AVEN: variants seen among roughly 807,000 people sequenced by gnomAD.
AVEN encodes the protein cell death regulator Aven.
A neutral mutation model predicts 38.1 loss-of-function variants in AVEN; 41 were observed. That is an observed-to-expected ratio of 1.08 (90% CI 0.84 to 1.40). The LOEUF (loss-of-function observed/expected upper bound fraction) is 1.40. AVEN is among the 40% of genes most tolerant of loss of function. The probability of loss-of-function intolerance (pLI) is 0.00; values close to 1 mark genes in which losing one functional copy is unlikely to be tolerated. For synonymous variants in AVEN, 206 were observed against 171.8 expected, an observed-to-expected ratio of 1.20 and a Z score of -1.56; for missense variants, 605 against 438.8, an observed-to-expected ratio of 1.38 and a Z score of -3.38.
intron 2 of AVEN, among the ~76,000 whole-genome samples, chr15:33,903,139 ATCATAAATACTCAC>A (rs1750598627): frequency 6.6e-6 from 1 of 152,240 alleles, no homozygotes; most frequent in Non-Finnish European, 1.5e-5. Flanking sequence ...GGCCACATTG[ATCATAAATACTCAC>A]CCGCAGTATT....
Position 33,867,522 on chromosome 15 carries a change from C to G in AVEN, c.946G>C (p.Asp316His). 6.3e-7 allele frequency: 1 copy of G among 1,591,402 alleles called. No homozygotes were observed. Among genetic ancestry groups the G allele is most frequent in the Non-Finnish European group, 8.5e-7 (1 of 1,170,466 alleles). The change falls in exon 5 of 6, where the codon GAT becomes CAT. Residue 316 changes from aspartate (D) to histidine (H), a missense_variant. By Grantham distance (81) the Asp-to-His change is moderately conservative. Coordinates refer to ENST00000306730, the MANE Select transcript of AVEN (RefSeq NM_020371.3). The part of the protein sequence containing the change: ...QTSQDLKSKE[D>H]GEVVQEEEVC... ...TCTTCCTCTTGGACCACCTCCCCATCTTCCTTGGATTTCAGGTCCTGAGAC... is the reference window on the plus strand; with the variant it reads ...TCTTCCTCTTGGACCACCTCCCCATGTTCCTTGGATTTCAGGTCCTGAGAC...
chr15:33,873,101 T>TTTC (rs1352619425), intron 3 of AVEN, among the ~76,000 whole-genome samples: 34 of 127,134 alleles, frequency 2.7e-4, no homozygotes, highest in Non-Finnish European at 3.5e-5. Flanking sequence ...TTTCTTTTTT[T>TTTC]TTTTTTTTTT....
In AVEN at chr15:33,866,313, G is replaced by GT; in HGVS notation, c.*299dup. 2.6e-6 allele frequency: 1 copy of GT among 386,896 alleles called. No individual in the cohort carries two copies. The highest frequency in any genetic ancestry group is 4.6e-5 in the East Asian group (1 of 21,578). The allele number at this position is 386,896 out of a possible 1,614,324, so 24.0% of individuals were successfully genotyped here. A position where few individuals can be genotyped will look rare whatever the true frequency, so the allele number is the denominator to read the frequency against. On this transcript the variant is annotated 3_prime_UTR_variant, in exon 6 of 6. Transcript: ENST00000306730. The stretch of plus-strand genomic sequence containing the variant: ...AATCAGCAGCAGCATCTGCTATGCT[G>GT]TAAACACTGGCTATGTTGTAAACAC...
At chr15:34,032,053 A>T (rs1567478976) in intron 1 of AVEN, among the ~76,000 whole-genome samples, 1 of 141,256 alleles carries the variant, frequency 7.1e-6, no homozygotes, top group Admixed American at 7.4e-5. Flanking sequence ...GGCTTCTAAC[A>T]AAAGAAAAAA....
chr15:34,029,423 G>C (rs946103050), intron 1 of AVEN, among the ~76,000 whole-genome samples: 1 of 149,338 alleles, frequency 6.7e-6, no homozygotes, highest in Non-Finnish European at 1.5e-5. Flanking sequence ...GCTCATGCCT[G>C]TAATCCCAGC....
At chr15:33,961,800 G>A (rs1176690364) in intron 2 of AVEN, among the ~76,000 whole-genome samples, 6 of 102,594 alleles carry the variant, frequency 5.8e-5, no homozygotes, top group Non-Finnish European at 1.1e-4. Context: ...GCGACAGAGT[G>A]AGACTCTGTC....
At chr15:33,897,651 G>A (rs1892293615) in intron 2 of AVEN, among the ~76,000 whole-genome samples, 1 of 152,086 alleles carries the variant, frequency 6.6e-6, no homozygotes, top group African/African-American at 2.4e-5. Flanking sequence ...GCTGAGGCAG[G>A]AGGATTGCTT....
At chr15:33,908,911 C>A (rs1255597663) in intron 2 of AVEN, among the ~76,000 whole-genome samples, 1 of 152,142 alleles carries the variant, frequency 6.6e-6, no homozygotes, top group African/African-American at 2.4e-5. Context: ...TGGTCTAGAG[C>A]GACAAAGCTG....
Position 33,924,071 on chromosome 15 carries a change from T to TC in AVEN, c.446-48077dup, listed in dbSNP as rs201803346. On this transcript the variant is annotated intron_variant, in intron 2 of 5. Coordinates refer to ENST00000306730, the MANE Select transcript of AVEN (RefSeq NM_020371.3). ...ATGAGCTTGAATCATCCCTAAACTA[T>TC]CCCCCCCTTTTCTGGTCCACAGAAA... Among the ~76,000 whole-genome samples the TC allele has an allele frequency of 8.2e-3, 1,243 of 151,580 alleles. 10 individuals are homozygous for TC. Among genetic ancestry groups the TC allele is most frequent in the Non-Finnish European group, 0.014 (960 of 67,894 alleles).
chr15:33,856,549 T>C (rs1017707069), downstream of AVEN: 2 of 152,328 alleles, frequency 1.3e-5, no homozygotes, highest in African/African-American at 2.4e-5. Flanking sequence ...ACCATCATAA[T>C]TCTTAGAGTA....
intron 2 of AVEN, among the ~76,000 whole-genome samples, chr15:33,989,875 C>G (rs537792356): frequency 6.7e-6 from 1 of 150,112 alleles, no homozygotes; most frequent in South Asian, 2.1e-4. Flanking sequence ...GAGACAATAG[C>G]AATTGAGACG....
At chr15:33,990,737 T>C (rs886922300) in intron 2 of AVEN, 1 of 152,204 alleles carries the variant, frequency 6.6e-6, no homozygotes, top group African/African-American at 2.4e-5. Context: ...GACCGAAACC[T>C]ACCACCATCA....
At chr15:33,960,231 T>C (rs1164408915) in intron 2 of AVEN, among the ~76,000 whole-genome samples, 2 of 152,134 alleles carry the variant, frequency 1.3e-5, no homozygotes, top group Non-Finnish European at 2.9e-5. Flanking sequence ...TGAGGCAAAA[T>C]CAAATTAATA....
At chr15:33,997,096 A>G (rs1896967033) in intron 2 of AVEN, among the ~76,000 whole-genome samples, 1 of 152,260 alleles carries the variant, frequency 6.6e-6, no homozygotes, top group African/African-American at 2.4e-5. Context: ...AAGCAAAATT[A>G]GAACTTCTAG....
At position 34,038,661 on chromosome 15, in the gene AVEN, G is replaced by GGCGCCA. The variant is rs1245500660; in HGVS notation, c.267+118_267+119insTGGCGC. 1,854 of 988,900 alleles carry GGCGCCA rather than the reference G, an allele frequency of 1.9e-3. 7 individuals carry two copies. The highest frequency in any genetic ancestry group is 6.3e-3 in the Middle Eastern group (14 of 2,238). 61.3% of individuals were successfully genotyped at this position (988,900 alleles called of 1,614,324 possible). A position where few individuals can be genotyped will look rare whatever the true frequency, so the allele number is the denominator to read the frequency against. ...CATCCGCCCGTCCCGCGCAGGCGCCGGCGCCGCCGCCCGTCTGGCGCGCGC... is the reference window on the plus strand; with the variant it reads ...CATCCGCCCGTCCCGCGCAGGCGCCGGCGCCAGCGCCGCCGCCCGTCTGGCGCGCGC... On this transcript the variant is annotated intron_variant, in intron 1 of 5. Transcript: ENST00000306730.
rs560976852 is a variant in AVEN, at chr15:34,070,523, A to C, written n.784+65T>G. On this transcript the variant is annotated intron_variant and non_coding_transcript_variant, in intron 2 of 11. Transcript: ENST00000675287. ...ATAAAGGTTTGATTCTTACATAGTG[A>C]TGACTACTTACCAAACAGCCACTCC... is the stretch of plus-strand genomic sequence containing the variant. Among the ~76,000 whole-genome samples, 7 of 152,106 alleles carry C rather than the reference A, an allele frequency of 4.6e-5. No homozygotes were observed. The South Asian group carries it at 8.3e-4, about 18-fold the overall frequency.
At chr15:34,028,829 C>T (rs1567476837) in intron 1 of AVEN, among the ~76,000 whole-genome samples, 1 of 151,694 alleles carries the variant, frequency 6.6e-6, no homozygotes, top group Non-Finnish European at 1.5e-5. Context: ...GACTGCAAAA[C>T]ACACCACCAT....
intron 1 of AVEN, among the ~76,000 whole-genome samples, chr15:34,015,748 T>TC (rs1012380024): frequency 2.0e-5 from 3 of 151,984 alleles, no homozygotes; most frequent in Non-Finnish European, 2.9e-5. Flanking sequence ...CAATGACACG[T>TC]CTCACACGGA....
chr15:34,024,369 G>T (rs998514721), intron 1 of AVEN, among the ~76,000 whole-genome samples: 1 of 151,812 alleles, frequency 6.6e-6, no homozygotes, highest in Non-Finnish European at 1.5e-5. Flanking sequence ...ACCTCTGAAG[G>T]CTGGGCGTGG....
Sources: gnomAD v4.1 joint callset for allele counts (sites outside exome capture counted in the v4.1 genomes callset) on GRCh38, gnomAD v4.1.1 for gene constraint, MANE v1.5 for transcripts, NCBI Gene and HGNC (gene_info 2026-07-23, HGNC 2026-07-21) for gene names.